PHLPP1: variants seen among roughly 807,000 people sequenced by gnomAD.
The protein encoded by PHLPP1 is PH domain and leucine rich repeat protein phosphatase 1.
PHLPP1 carries 42 observed loss-of-function variants against 117.2 expected under a neutral mutation model. The observed-to-expected ratio is 0.36, with a 90% CI of 0.28 to 0.46. PHLPP1 has a LOEUF of 0.46. Among genes scored for constraint, PHLPP1 ranks in the 20% least tolerant of loss-of-function variants. PHLPP1 has a pLI of 1.00. For missense variants in PHLPP1, 2,084 were observed against 2,241.9 expected (o/e 0.93, Z 1.42); for synonymous variants, 1,042 against 970.7 (o/e 1.07, Z -1.37).
intron 1 of PHLPP1, among the ~76,000 whole-genome samples, chr18:62,777,843 C>A (rs777282232): frequency 1.2e-4 from 19 of 152,204 alleles, no homozygotes; most frequent in Non-Finnish European, 2.8e-4. Context: ...ACACCCTTCT[C>A]ATTGGTGTCC....
At position 62,916,605 on chromosome 18, in the gene PHLPP1, G is replaced by GGTGTGTGTGTGTGTGTGT. The variant is rs71340133; in HGVS notation, c.2804+1606_2804+1623dup. Among the ~76,000 whole-genome samples the GGTGTGTGTGTGTGTGTGT allele has an allele frequency of 9.8e-3, 1,431 of 145,822 alleles. 21 individuals carry two copies. Among genetic ancestry groups the GGTGTGTGTGTGTGTGTGT allele is most frequent in the African/African-American group, 0.034 (1,331 of 39,608 alleles). On this transcript the variant is annotated intron_variant, in intron 9 of 16. Transcript: ENST00000262719. ...AGCCATCACCATTAACAAGAGGGTGGGTGTGTGTGTGTGTGTGTGTGTGTG... is the reference window on the plus strand; with the variant it reads ...AGCCATCACCATTAACAAGAGGGTGGGTGTGTGTGTGTGTGTGTGTGTGTGTGTGTGTGTGTGTGTGTG...
At chr18:62,936,746 G>A (rs1040799948) in intron 10 of PHLPP1, among the ~76,000 whole-genome samples, 1 of 152,160 alleles carries the variant, frequency 6.6e-6, no homozygotes, top group Non-Finnish European at 1.5e-5. Flanking sequence ...AATGTTTGTC[G>A]AGTACACTTC....
At chr18:62,839,346 G>A (rs1007035498) in intron 3 of PHLPP1, 3 of 156,386 alleles carry the variant, frequency 1.9e-5, no homozygotes, top group African/African-American at 7.2e-5. Context: ...CCTTTTCAGT[G>A]ATTTAATTTT....
rs1269178839 is a variant in PHLPP1, at chr18:62,877,280, A to G, written c.2066+16679A>G. Reference sequence around the variant, plus strand: ...GAAAGATTTTAGTTTTTGTTTTTATACATAATTCATGAAGACTTCTTTTAA... The same window carrying G: ...GAAAGATTTTAGTTTTTGTTTTTATGCATAATTCATGAAGACTTCTTTTAA... On this transcript the variant is annotated intron_variant, in intron 4 of 16. Transcript: ENST00000262719. 3.3e-5 allele frequency among the ~76,000 whole-genome samples: 5 copies of G among 152,226 alleles called. 1 individual carries two copies. The highest frequency in any genetic ancestry group is 3.3e-4 in the Admixed American group (5 of 15,280).
At chr18:62,734,419 T>C (rs1452597400) in intron 1 of PHLPP1, among the ~76,000 whole-genome samples, 1 of 152,252 alleles carries the variant, frequency 6.6e-6, no homozygotes, top group East Asian at 1.9e-4. Context: ...TTATTAGCTC[T>C]TTTATCCATG....
intron 1 of PHLPP1, among the ~76,000 whole-genome samples, chr18:62,814,394 C>G (rs1914206251): frequency 6.6e-6 from 1 of 152,216 alleles, no homozygotes; most frequent in South Asian, 2.1e-4. Flanking sequence ...TTCCCAGATG[C>G]AGTTTAGTGC....
At chr18:62,752,563 G>C (rs1599026293) in intron 1 of PHLPP1, among the ~76,000 whole-genome samples, 1 of 152,338 alleles carries the variant, frequency 6.6e-6, no homozygotes, top group Middle Eastern at 3.4e-3. Context: ...CAGTGTGGTA[G>C]AAAATAGATA....
At chr18:62,835,488 G>A (rs1432675342) in intron 2 of PHLPP1, among the ~76,000 whole-genome samples, 3 of 151,892 alleles carry the variant, frequency 2.0e-5, no homozygotes, top group Admixed American at 6.6e-5. Flanking sequence ...GTGAGCCACC[G>A]CACCTGGCTC....
chr18:62,773,699 C>T (rs1382379998), intron 1 of PHLPP1, among the ~76,000 whole-genome samples: 1 of 152,182 alleles, frequency 6.6e-6, no homozygotes, highest in Admixed American at 6.5e-5. Context: ...AAAGCCATTG[C>T]TGATGTTGCT....
chr18:62,716,777 C>T lies in PHLPP1; in HGVS notation c.1094C>T (p.Pro365Leu). ...SAESVSDRLD[P>L]YSSGGGSSSS... ...GAGAGCGTGTCTGACCGGTTGGACC[C>T]CTACAGCAGCGGCGGCGGCTCCTCG... The change falls in exon 1 of 17, where the codon CCC (proline) becomes CTC (leucine). Residue 365 changes from proline to leucine, a missense_variant. Physicochemically the swap from Pro to Leu is moderately conservative, Grantham distance 98. Transcript: ENST00000262719. The surrounding 1 kb of genome is among the most constrained non-coding windows in gnomAD (Gnocchi z 5.7). 4 of 1,526,546 alleles carry T rather than the reference C, an allele frequency of 2.6e-6. No homozygotes were observed. The South Asian group carries it at 4.8e-5, about 18-fold the overall frequency. 94.6% of individuals were successfully genotyped at this position (1,526,546 alleles called of 1,614,324 possible). A position where few individuals can be genotyped will look rare whatever the true frequency, so the allele number is the denominator to read the frequency against.
chr18:62,826,514 GACT>G (rs1914616873), intron 1 of PHLPP1, among the ~76,000 whole-genome samples: 1 of 152,020 alleles, frequency 6.6e-6, no homozygotes, highest in African/African-American at 2.4e-5. Flanking sequence ...ATGGTTTTTG[GACT>G]ACATTTTTAT....
At chr18:62,732,065 T>C (rs1373354331) in intron 1 of PHLPP1, among the ~76,000 whole-genome samples, 2 of 152,216 alleles carry the variant, frequency 1.3e-5, no homozygotes, top group Non-Finnish European at 2.9e-5. Context: ...TGATGTAGAA[T>C]CTGCAGCAAG....
At chr18:62,762,195 G>C (rs1402543378) in intron 1 of PHLPP1, among the ~76,000 whole-genome samples, 1 of 151,548 alleles carries the variant, frequency 6.6e-6, no homozygotes, top group Non-Finnish European at 1.5e-5. Flanking sequence ...GATGTACTTT[G>C]TATCTAGTTC....
chr18:62,881,517 T>C (rs368377974), intron 4 of PHLPP1, among the ~76,000 whole-genome samples: 48 of 152,338 alleles, frequency 3.2e-4, no homozygotes, highest in African/African-American at 1.0e-3. Context: ...CATGTGCTTA[T>C]TTTTGTTTTC....
chr18:62,772,498 T>G (rs1912816302), intron 1 of PHLPP1, among the ~76,000 whole-genome samples: 1 of 152,182 alleles, frequency 6.6e-6, no homozygotes, highest in African/African-American at 2.4e-5. Flanking sequence ...TAGACCCATC[T>G]GGCTTGAAAG....
chr18:62,852,758 A>G (rs536197665), intron 3 of PHLPP1, among the ~76,000 whole-genome samples: 10 of 152,236 alleles, frequency 6.6e-5, no homozygotes, highest in Admixed American at 3.3e-4. Flanking sequence ...GCACATAAGA[A>G]GGATAAATAC....
At chr18:62,740,079 C>T (rs1394169415) in intron 1 of PHLPP1, among the ~76,000 whole-genome samples, 1 of 132,654 alleles carries the variant, frequency 7.5e-6, no homozygotes, top group African/African-American at 2.8e-5. Context: ...GCAATGCTTG[C>T]ATTGGGTAGG....
chr18:62,772,964 C>CA (rs1202205905), intron 1 of PHLPP1, among the ~76,000 whole-genome samples: 6 of 151,412 alleles, frequency 4.0e-5, no homozygotes, highest in East Asian at 1.9e-4. Context: ...CCCACCCCCC[C>CA]AAAAAAAACT....
At chr18:62,834,739 T>C (rs1914845776) in intron 2 of PHLPP1, among the ~76,000 whole-genome samples, 1 of 152,160 alleles carries the variant, frequency 6.6e-6, no homozygotes, top group Non-Finnish European at 1.5e-5. Context: ...GTTAACACAA[T>C]TTGATAGCTG....
Sources: gnomAD v4.1 joint callset for allele counts (sites outside exome capture counted in the v4.1 genomes callset) on GRCh38, gnomAD v4.1.1 for gene constraint, Gnocchi (gnomAD v3.1) non-coding constraint, MANE v1.5 for transcripts, NCBI Gene and HGNC (gene_info 2026-07-23, HGNC 2026-07-21) for gene names.